MYH15: variants seen among roughly 807,000 people sequenced by gnomAD.
MYH15 encodes the protein myosin heavy chain 15, also known as myosin-15.
In MYH15, 227 loss-of-function variants were observed where a neutral mutation model predicts 240.5. That is an observed-to-expected ratio of 0.94 (90% CI 0.85 to 1.05). MYH15 has a LOEUF of 1.05. MYH15 is among the 50% of genes least tolerant of loss of function. The pLI is 0.00. For missense variants in MYH15, 2,217 were observed against 2,247.5 expected (o/e 0.99, Z 0.27); for synonymous variants, 785 against 796.7 (o/e 0.99, Z 0.25).
intron 1 of MYH15, among the ~76,000 whole-genome samples, chr3:108,528,312 T>G (rs1465888015): frequency 6.6e-6 from 1 of 152,170 alleles, no homozygotes; most frequent in Non-Finnish European, 1.5e-5. Flanking sequence ...CATATATAAG[T>G]AGAATTTGAT....
upstream of MYH15, among the ~76,000 whole-genome samples, chr3:108,514,636 G>A (rs530245432): frequency 1.3e-5 from 2 of 151,888 alleles, no homozygotes; most frequent in Admixed American, 1.3e-4. Context: ...ACTTTGGGGT[G>A]GGGGGGTGGA....
Position 108,439,894 on chromosome 3 carries a change from T to A in MYH15, c.2918A>T (p.Glu973Val), listed in dbSNP as rs376731688. Reference protein sequence around the residue: ...TEHKVKNLTEEVEFLNEDISK... With the variant: ...TEHKVKNLTEVVEFLNEDISK... ...GATATCCTCATTTAGAAACTCTACT[T>A]CCTCAGTCAAGTTCTTGACCTGTGG... The change falls in exon 24 of 41, where the codon GAA becomes GTA. Residue 973 changes from glutamate to valine, a missense_variant. Coordinates refer to ENST00000693548, the MANE Select transcript of MYH15 (RefSeq NM_014981.3). 1.9e-6 allele frequency: 3 copies of A among 1,602,478 alleles called. No homozygotes were observed. The African/African-American group carries it at 4.0e-5, about 22-fold the overall frequency.
At chr3:108,524,777 T>G (rs1476657560) in intron 1 of MYH15, among the ~76,000 whole-genome samples, 2 of 152,084 alleles carry the variant, frequency 1.3e-5, no homozygotes, top group African/African-American at 4.8e-5. Context: ...TCATGAAGTC[T>G]GGAAGGAGTT....
intron 14 of MYH15, 70 bp from the exon 15 acceptor site, chr3:108,464,884 A>G: frequency 7.2e-7 from 1 of 1,380,396 alleles, no homozygotes; most frequent in Non-Finnish European, 9.7e-7. Context: ...GGTCAGTATA[A>G]ATTCTTTCCC....
chr3:108,474,557 C>T (rs904146585), intron 12 of MYH15, among the ~76,000 whole-genome samples: 2 of 150,962 alleles, frequency 1.3e-5, no homozygotes, highest in African/African-American at 4.9e-5. Context: ...TATTTTGATA[C>T]ATGTATACAA....
intron 12 of MYH15, among the ~76,000 whole-genome samples, chr3:108,472,076 T>A (rs74786952): frequency 0.013 from 1,990 of 152,316 alleles, 73 homozygotes; most frequent in East Asian, 0.093. Context: ...CATTTGTGAA[T>A]CATTCTGACT....
At chr3:108,501,085 T>A (rs2083433511) in intron 3 of MYH15, among the ~76,000 whole-genome samples, 1 of 152,308 alleles carries the variant, frequency 6.6e-6, no homozygotes, top group Non-Finnish European at 1.5e-5. Context: ...GTAGTTTTGT[T>A]ACAGCATCCC....
Position 108,439,728 on chromosome 3 carries a change from G to C in MYH15, c.3075+9C>G. On this transcript the variant is annotated intron_variant, in intron 24 of 40. Coordinates refer to ENST00000693548, the MANE Select transcript of MYH15 (RefSeq NM_014981.3). ...AGATAGATAACTAACCAGATACACCGTTACTGACCTCATCAACTTGCTGTT... is the reference window on the plus strand; with the variant it reads ...AGATAGATAACTAACCAGATACACCCTTACTGACCTCATCAACTTGCTGTT... 1 of 1,588,856 alleles carries C rather than the reference G, an allele frequency of 6.3e-7. No individual in the cohort carries two copies. The highest frequency in any genetic ancestry group is 8.6e-7 in the Non-Finnish European group (1 of 1,168,916).
chr3:108,467,031 A>G (rs1335000510), intron 14 of MYH15, among the ~76,000 whole-genome samples: 2 of 152,070 alleles, frequency 1.3e-5, no homozygotes, highest in African/African-American at 4.8e-5. Flanking sequence ...AAGTTCCTGG[A>G]GTGCCAGGAT....
chr3:108,472,483 A>T (rs1003159016), intron 12 of MYH15, among the ~76,000 whole-genome samples: 1 of 152,206 alleles, frequency 6.6e-6, no homozygotes, highest in African/African-American at 2.4e-5. Context: ...CATAAGCCGG[A>T]TGGCATCACA....
chr3:108,531,125 T>C (rs984427241), upstream of MYH15, among the ~76,000 whole-genome samples: 1 of 152,140 alleles, frequency 6.6e-6, no homozygotes, highest in East Asian at 1.9e-4. Flanking sequence ...ACAGAACTCA[T>C]GAATGAGGGA....
At chr3:108,464,548 C>T (rs1175728866) in intron 15 of MYH15, 90 bp downstream of exon 15, 1 of 1,250,322 alleles carries the variant, frequency 8.0e-7, no homozygotes, top group South Asian at 1.5e-5. Flanking sequence ...TTAATCTAAA[C>T]ATTACTTAAA....
At chr3:108,513,432 C>T (rs1205875926), upstream of MYH15, among the ~76,000 whole-genome samples, 2 of 152,168 alleles carry the variant, frequency 1.3e-5, no homozygotes, top group Non-Finnish European at 2.9e-5. Flanking sequence ...AGACGGGCTG[C>T]ATGCACAATG....
intron 28 of MYH15, among the ~76,000 whole-genome samples, chr3:108,417,785 G>GTA (rs368551528): frequency 0.021 from 3,117 of 145,226 alleles, 92 homozygotes; most frequent in African/African-American, 0.07. Context: ...GTACAGGTAT[G>GTA]TATATATATA....
At chr3:108,493,262 G>C (rs1471415449) in intron 7 of MYH15, 85 bp from the exon 8 acceptor site, 3 of 906,146 alleles carry the variant, frequency 3.3e-6, no homozygotes, top group Non-Finnish European at 5.4e-6. Context: ...TTCATTATAT[G>C]TAACTCTCAA....
chr3:108,430,735 G>C, intron 26 of MYH15, 97 bp downstream of exon 26: 1 of 882,610 alleles, frequency 1.1e-6, no homozygotes, highest in East Asian at 2.6e-5. Context: ...GGTTGGCTAA[G>C]GGTATGAATA....
chr3:108,531,979 G>A (rs1433855648), upstream of MYH15, among the ~76,000 whole-genome samples: 1 of 152,102 alleles, frequency 6.6e-6, no homozygotes, highest in Non-Finnish European at 1.5e-5. Context: ...TGTCAGATTT[G>A]TAGGAGAGGT....
intron 21 of MYH15, among the ~76,000 whole-genome samples, chr3:108,445,247 T>C (rs2082917485): frequency 6.6e-6 from 1 of 152,228 alleles, no homozygotes. Flanking sequence ...GAAACAAGTC[T>C]TGGTATTGTA....
chr3:108,507,274 T>A (rs9871058), intron 1 of MYH15, among the ~76,000 whole-genome samples: 2 of 97,402 alleles, frequency 2.1e-5, no homozygotes, highest in Admixed American at 1.1e-4. Context: ...TATATATATA[T>A]ATACACATAT....
Sources: gnomAD v4.1 joint callset for allele counts (sites outside exome capture counted in the v4.1 genomes callset) on GRCh38, gnomAD v4.1.1 for gene constraint, MANE v1.5 for transcripts, NCBI Gene and HGNC (gene_info 2026-07-23, HGNC 2026-07-21) for gene names.